GKN1: variants seen among roughly 807,000 people sequenced by gnomAD.
GKN1 encodes gastrokine-1.
In GKN1, 17 loss-of-function variants were observed where a neutral mutation model predicts 19.7. That is an observed-to-expected ratio of 0.86 (90% CI 0.59 to 1.29). The LOEUF is 1.29. GKN1 is among the 50% of genes most tolerant of loss of function. GKN1 has a pLI of 0.00. For missense variants in GKN1, 218 were observed against 224.5 expected, an observed-to-expected ratio of 0.97 and a Z score of 0.19; for synonymous variants, 96 against 78.3, an observed-to-expected ratio of 1.23 and a Z score of -1.20.
intron 1 of GKN1, 132 bp from the exon 2 acceptor site, chr2:68,977,363 G>GA: frequency 9.0e-6 from 6 of 664,314 alleles, no homozygotes; most frequent in Non-Finnish European, 1.6e-5. Flanking sequence ...GGTAAGAGAA[G>GA]AAAAAAACAC....
Position 68,980,736 on chromosome 2 carries a change from C to T in GKN1, c.471C>T (p.Ser157=). ...TYMAEEMQEA[S]LFFYSGTCYT... is the part of the protein sequence containing the mutation. ...TTCTTTTCTCTTTATTAGAGGCAAG[C>T]CTGTTTTTTTACTCAGGAACGTGCT... The change falls in exon 6 of 6, where the codon AGC becomes AGT. Residue 157 remains serine (S), a synonymous_variant. Transcript: ENST00000377938. 6.5e-7 allele frequency: 1 copy of T among 1,540,010 alleles called. No individual in the cohort carries two copies. Among genetic ancestry groups the T allele is most frequent in the Non-Finnish European group, 9.0e-7 (1 of 1,112,890 alleles).
At chr2:68,978,293 A>G (rs1222157130) in intron 3 of GKN1, among the ~76,000 whole-genome samples, 35 of 141,612 alleles carry the variant, frequency 2.5e-4, no homozygotes, top group African/African-American at 4.0e-4. Flanking sequence ...AGAAAGAAAG[A>G]AAGAGAGAGA....
intron 4 of GKN1, among the ~76,000 whole-genome samples, chr2:68,979,506 T>G (rs1263376175): frequency 6.6e-6 from 1 of 152,230 alleles, no homozygotes; most frequent in Non-Finnish European, 1.5e-5. Context: ...CCATAATGTT[T>G]TAAAATATTT....
At position 68,980,920 on chromosome 2, in the gene GKN1, T is replaced by C; in HGVS notation, c.*97T>C. On this transcript the variant is annotated 3_prime_UTR_variant, in exon 6 of 6. Coordinates refer to ENST00000377938, the MANE Select transcript of GKN1 (RefSeq NM_019617.4). ...TTTTTACCATGTCATTCTGAAATTT[T>C]TCTCTACTAGTTATGTTTGATTTCT... The C allele has an allele frequency of 1.4e-6, 1 of 691,252 alleles. No homozygotes were observed. Among genetic ancestry groups the C allele is most frequent in the East Asian group, 2.6e-5 (1 of 38,502 alleles). The allele number at this position is 691,252 out of a possible 1,614,324, so 42.8% of individuals were successfully genotyped here. A position where few individuals can be genotyped will look rare whatever the true frequency, so the allele number is the denominator to read the frequency against.
In GKN1 at chr2:68,980,838, C is replaced by T. The variant is rs754871164; in HGVS notation, c.*15C>T. The T allele has an allele frequency of 2.5e-5, 31 of 1,247,180 alleles. No homozygotes were observed. In the East Asian group the frequency reaches 6.9e-4, roughly 28 times the overall value. 77.3% of individuals were successfully genotyped at this position (1,247,180 alleles called of 1,614,324 possible). ...TGGAGAACTAAACAATTTTTTAAAG[C>T]CACTATGGATTTAGTCATCTGAATA... On this transcript the variant is annotated 3_prime_UTR_variant, in exon 6 of 6. Transcript: ENST00000377938.
intron 4 of GKN1, 63 bp downstream of exon 4, chr2:68,979,044 C>T (rs1056982474): frequency 1.2e-5 from 9 of 781,410 alleles, no homozygotes; most frequent in South Asian, 3.1e-5. Flanking sequence ...CAGTAAATAA[C>T]GAGAAGATCA....
At chr2:68,977,428 G>A (rs964720348) in intron 1 of GKN1, 67 bp from the exon 2 acceptor site, 5 of 1,053,260 alleles carry the variant, frequency 4.7e-6, no homozygotes, top group Non-Finnish European at 7.4e-6. Flanking sequence ...TCATAAGCTT[G>A]GATAGAGGAA....
intron 1 of GKN1, among the ~76,000 whole-genome samples, chr2:68,976,292 C>A (rs1221223722): frequency 6.6e-6 from 1 of 152,070 alleles, no homozygotes; most frequent in Non-Finnish European, 1.5e-5. Flanking sequence ...TTATACTATG[C>A]TATTTATTGT....
In GKN1 at chr2:68,978,994, G is replaced by C. The variant is rs181634449; in HGVS notation, c.315+13G>C. Reference sequence around the variant, plus strand: ...CAAGGAAAAGAAGGTAAAAATAAAAGGCTTTTTATTTTTGGTGAGGGGAGA... The same window carrying C: ...CAAGGAAAAGAAGGTAAAAATAAAACGCTTTTTATTTTTGGTGAGGGGAGA... On this transcript the variant is annotated intron_variant, in intron 4 of 5. Coordinates refer to ENST00000377938, the MANE Select transcript of GKN1 (RefSeq NM_019617.4). 8.1e-5 allele frequency: 112 copies of C among 1,386,154 alleles called. 1 individual carries two copies. The East Asian group carries it at 2.5e-3, about 32-fold the overall frequency. The allele number at this position is 1,386,154 out of a possible 1,614,324, so 85.9% of individuals were successfully genotyped here.
chr2:68,980,666 C>A, intron 5 of GKN1, 63 bp from the exon 6 acceptor site: 2 of 838,828 alleles, frequency 2.4e-6, no homozygotes, highest in Non-Finnish European at 4.1e-6. Context: ...CTCCCCCAAT[C>A]CCCTCCAAGA....
At chr2:68,979,799 T>A in intron 4 of GKN1, 114 bp from the exon 5 acceptor site, 1 of 769,868 alleles carries the variant, frequency 1.3e-6, no homozygotes, top group Non-Finnish European at 2.2e-6. Flanking sequence ...TATGGAAAAA[T>A]TTAGCTGAGC....
chr2:68,979,463 C>T (rs1670326290), intron 4 of GKN1, among the ~76,000 whole-genome samples: 1 of 152,068 alleles, frequency 6.6e-6, no homozygotes, highest in Admixed American at 6.5e-5. Flanking sequence ...TTTTGTCTGG[C>T]CATACTAATC....
chr2:68,980,252 T>G (rs1670340541), intron 5 of GKN1, among the ~76,000 whole-genome samples, 192 bp downstream of exon 5: 2 of 152,172 alleles, frequency 1.3e-5, no homozygotes, highest in South Asian at 4.1e-4. Context: ...ACAGCAATCT[T>G]ATAGGTTCTA....
At chr2:68,980,383 C>G (rs1670341944) in intron 5 of GKN1, among the ~76,000 whole-genome samples, 2 of 152,072 alleles carry the variant, frequency 1.3e-5, no homozygotes, top group African/African-American at 4.8e-5. Flanking sequence ...TGGAACACTG[C>G]CTTTTAAGTG....
chr2:68,979,112 T>C (rs1315171955), intron 4 of GKN1, 131 bp downstream of exon 4: 5 of 546,678 alleles, frequency 9.1e-6, no homozygotes, highest in African/African-American at 5.8e-5. Flanking sequence ...GGGGAAGTTA[T>C]TGGTGATTGC....
At chr2:68,980,259 T>A (rs1353884284) in intron 5 of GKN1, among the ~76,000 whole-genome samples, 199 bp downstream of exon 5, 3 of 152,180 alleles carry the variant, frequency 2.0e-5, no homozygotes, top group Non-Finnish European at 4.4e-5. Context: ...TCTTATAGGT[T>A]CTATTTTAAT....
At chr2:68,980,471 A>G (rs761850791) in intron 5 of GKN1, among the ~76,000 whole-genome samples, 25 of 152,346 alleles carry the variant, frequency 1.6e-4, no homozygotes, top group Middle Eastern at 3.4e-3. Context: ...AATAGAATCT[A>G]TTAACTTTCT....
intron 4 of GKN1, among the ~76,000 whole-genome samples, chr2:68,979,324 T>G (rs1416759736): frequency 6.6e-6 from 1 of 152,202 alleles, no homozygotes; most frequent in Admixed American, 6.5e-5. Context: ...ATAGAAGATA[T>G]CCAGTTAGGT....
At chr2:68,975,548 A>T (rs886419721) in intron 1 of GKN1, among the ~76,000 whole-genome samples, 1 of 152,172 alleles carries the variant, frequency 6.6e-6, no homozygotes, top group Non-Finnish European at 1.5e-5. Context: ...GTTTCAACAT[A>T]CTACACACTG....
Sources: gnomAD v4.1 joint callset for allele counts (sites outside exome capture counted in the v4.1 genomes callset) on GRCh38, gnomAD v4.1.1 for gene constraint, MANE v1.5 for transcripts, NCBI Gene and HGNC (gene_info 2026-07-23, HGNC 2026-07-21) for gene names.